The following GCLM variants were observed in gnomAD, a reference collection of about 807,000 sequenced individuals.
GCLM encodes the protein glutamate--cysteine ligase regulatory subunit.
In GCLM, 15 loss-of-function variants were observed where a neutral mutation model predicts 36.0. The observed-to-expected ratio is 0.42, with a 90% CI of 0.28 to 0.64. GCLM has a LOEUF of 0.64. GCLM is among the 30% of genes least tolerant of loss of function. GCLM has a pLI of 0.25. For synonymous variants in GCLM, 129 were observed against 122.8 expected (o/e 1.05, Z -0.34); for missense variants, 242 against 325.5 (o/e 0.74, Z 1.97).
chr1:93,907,814 T>G (rs1167781811), intron 1 of GCLM, among the ~76,000 whole-genome samples: 4 of 152,194 alleles, frequency 2.6e-5, no homozygotes, highest in African/African-American at 9.6e-5. Context: ...TTCTCATCTC[T>G]TGATGGGCAC....
rs17879533 is a variant in GCLM, at chr1:93,903,703, A to C, written c.192+820T>G. 4.3e-3 allele frequency among the ~76,000 whole-genome samples: 659 copies of C among 152,322 alleles called. 6 individuals are homozygous for C. The highest frequency in any genetic ancestry group is 0.015 in the African/African-American group (622 of 41,556). On this transcript the variant is annotated intron_variant, in intron 2 of 6. Coordinates refer to ENST00000370238, the MANE Select transcript of GCLM (RefSeq NM_002061.4). ...AAGGCTATTTGAATGTATTTTAATG[A>C]ATAATTTACAAGGATAATGAGAAAA... is the stretch of plus-strand genomic sequence containing the variant.
At chr1:93,893,490 C>T (rs1474749420) in intron 6 of GCLM, among the ~76,000 whole-genome samples, 4 of 152,160 alleles carry the variant, frequency 2.6e-5, no homozygotes, top group Non-Finnish European at 4.4e-5. Flanking sequence ...CAAACTGAAT[C>T]AACCCACTGA....
At chr1:93,901,902 C>A (rs1039540841) in intron 2 of GCLM, among the ~76,000 whole-genome samples, 1 of 151,224 alleles carries the variant, frequency 6.6e-6, no homozygotes, top group East Asian at 2.0e-4. Context: ...AAATGTATCT[C>A]ATTTTGACCA....
chr1:93,895,228 C>G (rs1431869878), intron 5 of GCLM, among the ~76,000 whole-genome samples: 1 of 151,934 alleles, frequency 6.6e-6, no homozygotes, highest in Non-Finnish European at 1.5e-5. Context: ...GTTGGTCAGG[C>G]TGGTCTTGAA....
intron 1 of GCLM, among the ~76,000 whole-genome samples, chr1:93,908,446 G>A (rs1180409761): frequency 1.3e-5 from 2 of 152,214 alleles, no homozygotes; most frequent in Admixed American, 1.3e-4. Flanking sequence ...TGCATAGAAT[G>A]TGTACTGATA....
intron 2 of GCLM, among the ~76,000 whole-genome samples, chr1:93,902,096 T>G (rs1184566499): frequency 7.0e-6 from 1 of 143,672 alleles, no homozygotes; most frequent in Non-Finnish European, 1.5e-5. Context: ...TTTCTTTTAC[T>G]TTTTAATTTA....
chr1:93,894,775 A>G, intron 5 of GCLM, 47 bp from the exon 6 acceptor site: 1 of 865,826 alleles, frequency 1.2e-6, no homozygotes, highest in Non-Finnish European at 2.0e-6. Context: ...ATTAAATATA[A>G]TACCAAAAGT....
chr1:93,897,573 G>C (rs1205789285), intron 4 of GCLM, among the ~76,000 whole-genome samples: 1 of 151,548 alleles, frequency 6.6e-6, no homozygotes, highest in East Asian at 1.9e-4. Context: ...TACTAAAAGG[G>C]CTAAGAATAA....
intron 3 of GCLM, 85 bp downstream of exon 3, chr1:93,901,500 G>C: frequency 1.3e-6 from 1 of 774,092 alleles, no homozygotes; most frequent in Non-Finnish European, 2.3e-6. Flanking sequence ...TTTAGTGTCT[G>C]AGCAAAGAAA....
rs886106567 is a variant in GCLM, at chr1:93,897,517, AT to A, written c.337+321del. On this transcript the variant is annotated intron_variant, in intron 4 of 6. Coordinates refer to ENST00000370238, the MANE Select transcript of GCLM (RefSeq NM_002061.4). The stretch of plus-strand genomic sequence containing the variant: ...ACAGATATACTTGGATTTTTTTTGG[AT>A]TTTTTTTTTTTTGCCGTTGTTTGGT... Among the ~76,000 whole-genome samples the A allele has an allele frequency of 5.8e-3, 826 of 142,608 alleles. 5 individuals carry two copies. Among genetic ancestry groups the A allele is most frequent in the African/African-American group, 0.013 (505 of 38,918 alleles). The allele number at this position is 142,608 out of a possible 152,430, so 93.6% of individuals were successfully genotyped here. A position where few individuals can be genotyped will look rare whatever the true frequency, so the allele number is the denominator to read the frequency against.
At chr1:93,908,512 G>T (rs1657231450) in intron 1 of GCLM, among the ~76,000 whole-genome samples, 1 of 152,180 alleles carries the variant, frequency 6.6e-6, no homozygotes, top group Non-Finnish European at 1.5e-5. Context: ...TAAAGTCAGG[G>T]TATTTAGGGT....
chr1:93,904,300 T>A, intron 2 of GCLM: 1 of 503,600 alleles, frequency 2.0e-6, no homozygotes, highest in Non-Finnish European at 3.6e-6. Context: ...GAATTAAGCA[T>A]GAGAATCCTA....
rs58007552 is a variant in GCLM at position 93,898,303 on chromosome 1, G to GAAAAAAAAAAAAAAAAAAAAAA, written c.278-427_278-406dup. On this transcript the variant is annotated intron_variant, in intron 3 of 6. Coordinates refer to ENST00000370238, the MANE Select transcript of GCLM (RefSeq NM_002061.4). The stretch of plus-strand genomic sequence containing the variant: ...TTGAAAATGTAATGAGAAGAAAACT[G>GAAAAAAAAAAAAAAAAAAAAAA]AAAAAAAAAAAAAAAAAAAAAAAAA... Among the ~76,000 whole-genome samples, 39 of 16,430 alleles carry GAAAAAAAAAAAAAAAAAAAAAA rather than the reference G, an allele frequency of 2.4e-3. 12 individuals carry two copies. The highest frequency in any genetic ancestry group is 7.7e-3 in the Admixed American group (7 of 906). 10.8% of individuals were successfully genotyped at this position (16,430 alleles called of 152,430 possible).
intron 6 of GCLM, among the ~76,000 whole-genome samples, chr1:93,893,420 T>C (rs558826763): frequency 1.3e-5 from 2 of 152,354 alleles, no homozygotes; most frequent in African/African-American, 4.8e-5. Flanking sequence ...GAGAATGAAG[T>C]AGACTGCTAA....
intron 6 of GCLM, 143 bp downstream of exon 6, chr1:93,894,471 T>C (rs963025101): frequency 1.2e-5 from 6 of 498,508 alleles, no homozygotes; most frequent in Admixed American, 3.4e-5. Flanking sequence ...TGAGGGCATA[T>C]AGGTTTTGAA....
At chr1:93,896,867 A>C in intron 4 of GCLM, 47 bp from the exon 5 acceptor site, 1 of 1,046,248 alleles carries the variant, frequency 9.6e-7, no homozygotes, top group Non-Finnish European at 1.5e-6. Flanking sequence ...ACATCATAAA[A>C]ACAAATATTT....
rs1656421662 is a variant in GCLM at position 93,888,954 on chromosome 1, G to A, written c.*36C>T. 1.4e-6 allele frequency: 2 copies of A among 1,417,888 alleles called. No individual in the cohort carries two copies. Among genetic ancestry groups the A allele is most frequent in the South Asian group, 1.4e-5 (1 of 72,070 alleles). The allele number at this position is 1,417,888 out of a possible 1,614,324, so 87.8% of individuals were successfully genotyped here. A position where few individuals can be genotyped will look rare whatever the true frequency, so the allele number is the denominator to read the frequency against. On this transcript the variant is annotated 3_prime_UTR_variant, in exon 7 of 7. Transcript: ENST00000370238. ...ACACATCTCAATTTTCTCTCATATT[G>A]AAGGAAATTACAGGTAAGTTATGCT...
chr1:93,893,937 T>G (rs1020237841), intron 6 of GCLM, among the ~76,000 whole-genome samples: 1 of 152,186 alleles, frequency 6.6e-6, no homozygotes, highest in Admixed American at 6.5e-5. Flanking sequence ...ATGTGCCACT[T>G]TTTCCAGATA....
intron 5 of GCLM, among the ~76,000 whole-genome samples, chr1:93,896,388 G>C (rs1182448141): frequency 6.6e-6 from 1 of 152,002 alleles, no homozygotes; most frequent in Non-Finnish European, 1.5e-5. Flanking sequence ...TTTTAACCAG[G>C]ATTAACATTC....
Sources: gnomAD v4.1 joint callset for allele counts (sites outside exome capture counted in the v4.1 genomes callset) on GRCh38, gnomAD v4.1.1 for gene constraint, MANE v1.5 for transcripts, NCBI Gene and HGNC (gene_info 2026-07-23, HGNC 2026-07-21) for gene names.